Variants in GABRR3 observed in about 807,000 individuals in gnomAD.
GABRR3 encodes gamma-aminobutyric acid type A receptor subunit rho3.
Under a neutral mutation model 43.2 loss-of-function variants are expected in GABRR3, and 29 were observed. The observed-to-expected ratio is 0.67, with a 90% confidence interval of 0.50 to 0.92. GABRR3 has a LOEUF of 0.92. GABRR3 is among the 40% of genes least tolerant of loss of function. The pLI is 0.00. For synonymous variants in GABRR3, 206 were observed against 195.9 expected (o/e 1.05, Z -0.43); for missense variants, 576 against 572.3 (o/e 1.01, Z -0.07).
At chr3:98,008,545 G>T (rs891912749) in intron 6 of GABRR3, among the ~76,000 whole-genome samples, 7 of 152,132 alleles carry the variant, frequency 4.6e-5, no homozygotes, top group African/African-American at 1.7e-4. Flanking sequence ...TCTATGTCTA[G>T]AGTCAGATTT....
chr3:97,992,901 T>C, exon 9 of GABRR3: 1 of 1,613,492 alleles, frequency 6.2e-7, no homozygotes, highest in Non-Finnish European at 8.5e-7. Context: ...GGTGAGGTAG[T>C]TCACAGCTGC....
At chr3:98,005,638 G>A (rs907747328) in intron 7 of GABRR3, among the ~76,000 whole-genome samples, 5 of 152,112 alleles carry the variant, frequency 3.3e-5, no homozygotes, top group African/African-American at 1.2e-4. Flanking sequence ...GCCTGGTAGG[G>A]CTCAAAAAGT....
intron 9 of GABRR3, among the ~76,000 whole-genome samples, chr3:97,988,530 G>A (rs887555274): frequency 6.6e-6 from 1 of 152,168 alleles, no homozygotes; most frequent in African/African-American, 2.4e-5. Context: ...GGTGGTAGTG[G>A]TGTGTGGTGG....
At position 97,992,878 on chromosome 3, in the gene GABRR3, G is replaced by T. The variant is rs146572536; in HGVS notation, c.1078C>A (p.Arg360=). ...TTTCCTGTCTTCTTGAATTGTTTCCGCTCTTCCACTGTGGTGAGGTAGTTC... is the reference window on the plus strand; with the variant it reads ...TTTCCTGTCTTCTTGAATTGTTTCCTCTCTTCCACTGTGGTGAGGTAGTTC... The change falls in exon 9 of 10, where the codon CGG becomes AGG. Residue 360 remains arginine (R), a synonymous_variant. Transcript: ENST00000621172. 5.8e-5 allele frequency: 94 copies of T among 1,610,290 alleles called. 1 individual carries two copies. The Admixed American group carries it at 1.2e-3, about 21-fold the overall frequency.
chr3:98,025,470 A>T, intron 3 of GABRR3, 97 bp downstream of exon 3: 5 of 715,098 alleles, frequency 7.0e-6, no homozygotes, highest in Non-Finnish European at 1.1e-5. Flanking sequence ...TTTTAAACTG[A>T]TGGACTTTAC....
At chr3:98,003,745 C>G (rs1274218954) in intron 7 of GABRR3, among the ~76,000 whole-genome samples, 3 of 152,106 alleles carry the variant, frequency 2.0e-5, no homozygotes, top group Non-Finnish European at 4.4e-5. Context: ...AACCATGCAT[C>G]TTGTCCTACG....
At chr3:98,028,543 T>A (rs900641737) in intron 2 of GABRR3, among the ~76,000 whole-genome samples, 1 of 152,198 alleles carries the variant, frequency 6.6e-6, no homozygotes, top group Admixed American at 6.5e-5. Context: ...ATATTTGTAA[T>A]GATCTCTTTG....
intron 1 of GABRR3, 80 bp downstream of exon 1, chr3:98,035,110 A>G (rs832069): frequency 0.16 from 193,144 of 1,191,336 alleles, 17,956 homozygotes; most frequent in Non-Finnish European, 0.19. Flanking sequence ...ATTAGGGGAA[A>G]AAGAAAGACA....
chr3:98,001,915 A>G, intron 7 of GABRR3, 148 bp from the exon 8 acceptor site: 5 of 748,012 alleles, frequency 6.7e-6, no homozygotes, highest in Non-Finnish European at 8.8e-6. Flanking sequence ...CTGGCACTCC[A>G]TCAACATTTG....
intron 2 of GABRR3, among the ~76,000 whole-genome samples, chr3:98,030,371 C>T (rs2107252659): frequency 6.6e-6 from 1 of 152,138 alleles, no homozygotes; most frequent in East Asian, 1.9e-4. Context: ...TAATTCTTGT[C>T]CTTTAATTCA....
intron 3 of GABRR3, among the ~76,000 whole-genome samples, chr3:98,025,326 T>C (rs1706996871): frequency 6.6e-6 from 1 of 152,232 alleles, no homozygotes. Flanking sequence ...ATATCCATTC[T>C]CTATTTATGG....
chr3:98,027,434 T>C (rs1292484015), intron 2 of GABRR3, among the ~76,000 whole-genome samples: 1 of 152,256 alleles, frequency 6.6e-6, no homozygotes, highest in Non-Finnish European at 1.5e-5. Context: ...TGTAAACCTC[T>C]TTGGTAATAA....
intron 9 of GABRR3, among the ~76,000 whole-genome samples, chr3:97,992,072 A>T (rs1046397023): frequency 1.3e-5 from 2 of 152,168 alleles, no homozygotes; most frequent in Non-Finnish European, 2.9e-5. Context: ...AAAGCAGGAA[A>T]CTGGTGCCCA....
At chr3:98,023,238 C>T (rs547660766) in intron 3 of GABRR3, among the ~76,000 whole-genome samples, 1 of 152,292 alleles carries the variant, frequency 6.6e-6, no homozygotes, top group African/African-American at 2.4e-5. Context: ...CTCAATCTTT[C>T]TTCCTTTACA....
chr3:98,015,010 C>CTT (rs1706856580), intron 4 of GABRR3, among the ~76,000 whole-genome samples: 1 of 152,040 alleles, frequency 6.6e-6, no homozygotes, highest in African/African-American at 2.4e-5. Flanking sequence ...ATAAAAACAA[C>CTT]TTTTGAAAGT....
At chr3:98,029,236 G>A (rs1707057483) in intron 2 of GABRR3, among the ~76,000 whole-genome samples, 1 of 152,116 alleles carries the variant, frequency 6.6e-6, no homozygotes, top group South Asian at 2.1e-4. Context: ...CGTGAGTCTT[G>A]GTAATAGGTG....
chr3:98,022,755 T>C (rs936146499), intron 3 of GABRR3, among the ~76,000 whole-genome samples: 8 of 152,132 alleles, frequency 5.3e-5, no homozygotes, highest in African/African-American at 1.9e-4. Context: ...GTCAGAAAAA[T>C]TTCTTAATCA....
At chr3:98,018,678 T>A (rs1210773237) in intron 3 of GABRR3, among the ~76,000 whole-genome samples, 1 of 152,214 alleles carries the variant, frequency 6.6e-6, no homozygotes, top group Non-Finnish European at 1.5e-5. Flanking sequence ...GTCTTTTATA[T>A]GTTCTCTTTC....
chr3:97,993,828 T>C (rs1421260378), intron 8 of GABRR3, among the ~76,000 whole-genome samples: 1 of 151,340 alleles, frequency 6.6e-6, no homozygotes, highest in Non-Finnish European at 1.5e-5. Context: ...TTTTTTCCCC[T>C]CTTCCTTTTA....
Sources: allele counts gnomAD v4.1 joint callset (sites outside exome capture counted in the v4.1 genomes callset), GRCh38; gene constraint gnomAD v4.1.1; transcripts MANE v1.5; gene names NCBI Gene and HGNC (gene_info 2026-07-23, HGNC 2026-07-21).